Variants in ETV5 observed in about 807,000 individuals in gnomAD.
ETV5 encodes the protein ETS translocation variant 5.
A neutral mutation model predicts 70.0 loss-of-function variants in ETV5; 10 were observed. The observed-to-expected ratio is 0.14, with a 90% CI of 0.09 to 0.24. The LOEUF is 0.24. Ranked by LOEUF, ETV5 falls within the 10% of genes least tolerant of loss-of-function variation. ETV5 has a pLI of 1.00. For missense variants in ETV5, 453 were observed against 651.2 expected (o/e 0.70, Z 3.31); for synonymous variants, 216 against 242.2 (o/e 0.89, Z 1.01).
At position 186,064,443 on chromosome 3, in the gene ETV5, C is replaced by T. The variant is rs758276506; in HGVS notation, c.944G>A (p.Gly315Glu). The T allele has an allele frequency of 6.2e-7, 1 of 1,614,062 alleles. No individual in the cohort carries two copies. The highest frequency in any genetic ancestry group is 1.1e-5 in the South Asian group (1 of 91,078). Residue 315 changes from glycine to glutamate, a missense_variant, in exon 9 of 13, where the codon GGG becomes GAG. Gly to Glu is a moderately conservative substitution (Grantham distance 98). This residue lies in a region of ETV5 where 307 missense variants were observed against 344.9 expected (regional missense o/e 0.89). Coordinates refer to ENST00000306376, the MANE Select transcript of ETV5 (RefSeq NM_004454.3). ...TTCATGGCTGCTGGAGAAATAACCC[C>T]CTCTCATGTAGGATGACTGGCAGTT... ...VPNCQSSYMR[G>E]GYFSSSHEGF...
chr3:186,061,141 C>T (rs1335884097), intron 9 of ETV5, among the ~76,000 whole-genome samples: 1 of 152,196 alleles, frequency 6.6e-6, no homozygotes, highest in African/African-American at 2.4e-5. Context: ...TTATAAAAGC[C>T]ACCCAATGCT....
At chr3:186,062,716 A>T (rs1291396176) in intron 9 of ETV5, among the ~76,000 whole-genome samples, 1 of 152,198 alleles carries the variant, frequency 6.6e-6, no homozygotes, top group Non-Finnish European at 1.5e-5. Flanking sequence ...AACACATAAC[A>T]GTGTCTGAAA....
intron 6 of ETV5, among the ~76,000 whole-genome samples, chr3:186,080,311 T>C (rs1049427532): frequency 1.3e-5 from 2 of 152,082 alleles, no homozygotes; most frequent in Non-Finnish European, 2.9e-5. Context: ...TTAACACTTC[T>C]AGTGATTTTT....
rs747856090 is a variant in ETV5 at position 186,054,221 on chromosome 3, T to C, written c.1210-2090A>G. ...AGCTGGGAATTAGGGCTGCCCCTCT[T>C]CTGGGACTGGGGAGGCAGGCAATAG... On this transcript the variant is annotated intron_variant, in intron 11 of 12. Transcript: ENST00000306376. This position sits in a 1 kb window ranked among gnomAD's most constrained non-coding sequence, Gnocchi z 4.4. Among the ~76,000 whole-genome samples the C allele has an allele frequency of 6.2e-4, 95 of 152,220 alleles. No individual in the cohort carries two copies. Among genetic ancestry groups the C allele is most frequent in the Non-Finnish European group, 1.0e-3 (71 of 68,042 alleles).
In ETV5 at chr3:186,048,361, T is replaced by C; in HGVS notation, c.*278A>G. ...GATATTGCTTTGCATGTATTGTCCA[T>C]GGTAAGGAGACTCCATTTTGATCTC... On this transcript the variant is annotated 3_prime_UTR_variant, in exon 13 of 13. Coordinates refer to ENST00000306376, the MANE Select transcript of ETV5 (RefSeq NM_004454.3). The C allele has an allele frequency of 2.0e-6, 1 of 496,804 alleles. No homozygotes were observed. Among genetic ancestry groups the C allele is most frequent in the Non-Finnish European group, 3.7e-6 (1 of 272,474 alleles). 30.8% of individuals were successfully genotyped at this position (496,804 alleles called of 1,614,324 possible).
intron 5 of ETV5, among the ~76,000 whole-genome samples, chr3:186,091,994 A>G (rs1317722366): frequency 6.6e-6 from 1 of 152,230 alleles, no homozygotes; most frequent in Non-Finnish European, 1.5e-5. Flanking sequence ...GGTTGTATCA[A>G]GTGTCTGGAA....
At chr3:186,056,928 G>T in intron 11 of ETV5, 147 bp downstream of exon 11, 1 of 774,870 alleles carries the variant, frequency 1.3e-6, no homozygotes, top group Non-Finnish European at 2.0e-6. Context: ...TAATAGGAGG[G>T]ATACAGCCAA....
chr3:186,108,593 G>C, intron 1 of ETV5: 1 of 1,231,374 alleles, frequency 8.1e-7, no homozygotes, highest in African/African-American at 1.6e-5. Flanking sequence ...AGTCCCCTCG[G>C]GGCTCTCGAA....
At chr3:186,069,875 C>T (rs142501784) in intron 7 of ETV5, among the ~76,000 whole-genome samples, 2 of 152,298 alleles carry the variant, frequency 1.3e-5, no homozygotes, top group South Asian at 4.1e-4. Context: ...GGCACAATCT[C>T]GGCTCACTGC....
intron 7 of ETV5, among the ~76,000 whole-genome samples, chr3:186,069,455 T>C (rs1156786123): frequency 1.3e-5 from 2 of 151,638 alleles, no homozygotes; most frequent in Admixed American, 6.6e-5. Flanking sequence ...ACCGGCAGCA[T>C]GCCGCAAACC....
chr3:186,085,798 C>T (rs1343339333), intron 5 of ETV5, among the ~76,000 whole-genome samples: 1 of 152,190 alleles, frequency 6.6e-6, no homozygotes, highest in Non-Finnish European at 1.5e-5. Context: ...GCGTGAGCCA[C>T]CGTACCCGGC....
At chr3:186,089,830 C>A (rs1464490251) in intron 5 of ETV5, among the ~76,000 whole-genome samples, 1 of 152,116 alleles carries the variant, frequency 6.6e-6, no homozygotes, top group Non-Finnish European at 1.5e-5. Context: ...TAGATCAAAA[C>A]CATTATCAAC....
Position 186,065,843 on chromosome 3 carries a change from G to C in ETV5, c.880C>G (p.Gln294Glu), listed in dbSNP as rs201447934. 1.9e-6 allele frequency: 3 copies of C among 1,614,130 alleles called. No individual in the cohort carries two copies. Among genetic ancestry groups the C allele is most frequent in the East Asian group, 2.2e-5 (1 of 44,878 alleles). The change falls in exon 8 of 13, where the codon CAG (glutamine) becomes GAG (glutamate). Residue 294 changes from glutamine to glutamate, a missense_variant. Around this residue, in one of 4 missense-constraint regions of ETV5, gnomAD observed 307 missense variants for 344.9 expected, o/e 0.89. Transcript: ENST00000306376. ...HGFQSPMGIK[Q>E]EPRDYCVDSE... is the part of the protein sequence containing the mutation. ...TCGACGCAGTAATCCCGAGGCTCCT[G>C]CTTGATTCCCATTGGTGACTGGAAC...
chr3:186,084,745 G>C (rs1714017714), intron 5 of ETV5, among the ~76,000 whole-genome samples: 1 of 152,208 alleles, frequency 6.6e-6, no homozygotes, highest in African/African-American at 2.4e-5. Context: ...GAAGAGGCAA[G>C]GGCCTCCGCA....
chr3:186,105,557 G>T lies in ETV5; in HGVS notation c.134-61C>A. ...TTTCTTTCGCTAGGGAGAAGACAGG[G>T]AAGAATCTACACGCTACTGTCACTG... On this transcript the variant is annotated intron_variant, in intron 3 of 12. Coordinates refer to ENST00000306376, the MANE Select transcript of ETV5 (RefSeq NM_004454.3). The surrounding 1 kb of genome is among the most constrained non-coding windows in gnomAD (Gnocchi z 4.5). The T allele has an allele frequency of 6.2e-7, 1 of 1,611,628 alleles. No homozygotes were observed. The highest frequency in any genetic ancestry group is 8.5e-7 in the Non-Finnish European group (1 of 1,177,870).
In ETV5 at chr3:186,097,379, C is replaced by CGTGGCA. The variant is rs1222865152; in HGVS notation, c.232+7925_232+7926insTGCCAC. Among the ~76,000 whole-genome samples, 67 of 152,288 alleles carry CGTGGCA rather than the reference C, an allele frequency of 4.4e-4. 1 individual carries two copies. Among genetic ancestry groups the CGTGGCA allele is most frequent in the Middle Eastern group, 6.8e-3 (2 of 294 alleles). On this transcript the variant is annotated intron_variant, in intron 5 of 12. Coordinates refer to ENST00000306376, the MANE Select transcript of ETV5 (RefSeq NM_004454.3). ...AATTGTAAGCCTAAGCAAGAAGTGT[C>CGTGGCA]TGTGTCGTGGCAGGTAAACACCTGG...
At position 186,080,062 on chromosome 3, in the gene ETV5, G is replaced by C. The variant is rs1713894878; in HGVS notation, c.405C>G (p.Thr135=). The C allele has an allele frequency of 6.6e-7, 1 of 1,520,264 alleles. No individual in the cohort carries two copies. The highest frequency in any genetic ancestry group is 8.7e-7 in the Non-Finnish European group (1 of 1,143,306). 94.2% of individuals were successfully genotyped at this position (1,520,264 alleles called of 1,614,324 possible). ...TGGGTGAGAGGGGGGTTGTAGGAGG[G>C]GTTAATGGCTTGAACCCAGAGGGAG... The part of the protein sequence containing the change: ...RKPPSGFKPL[T]PPTTPLSPTH... The change falls in exon 7 of 13, where the codon ACC becomes ACG. Residue 135 remains threonine, a synonymous_variant. Transcript: ENST00000306376.
Position 186,080,027 on chromosome 3 carries a change from T to A in ETV5, c.440A>T (p.Asn147Ile). The change falls in exon 7 of 13, where the codon AAT (asparagine) becomes ATT (isoleucine). Residue 147 changes from asparagine (N) to isoleucine (I), a missense_variant. By Grantham distance (149) the Asn-to-Ile change is moderately radical. Transcript: ENST00000306376. ...PTTPLSPTHQ[N>I]PLFPPPQATL... ...TGCCTGAGGTGGGGGAAATAGGGGA[T>A]TCTGATGGGTGGGTGAGAGGGGGGT... 6.5e-7 allele frequency: 1 copy of A among 1,530,410 alleles called. No individual in the cohort carries two copies. Among genetic ancestry groups the A allele is most frequent in the Non-Finnish European group, 8.7e-7 (1 of 1,148,106 alleles). The allele number at this position is 1,530,410 out of a possible 1,614,324, so 94.8% of individuals were successfully genotyped here.
chr3:186,102,222 C>T (rs917120609), intron 5 of ETV5, among the ~76,000 whole-genome samples: 22 of 151,822 alleles, frequency 1.4e-4, no homozygotes, highest in African/African-American at 4.3e-4. Context: ...AAAATATTAC[C>T]TACATTTCTT....
Sources: gnomAD v4.1 joint callset for allele counts (sites outside exome capture counted in the v4.1 genomes callset) on GRCh38, gnomAD v4.1.1 for gene constraint, gnomAD v4.1.1 regional missense constraint, Gnocchi (gnomAD v3.1) non-coding constraint, MANE v1.5 for transcripts, NCBI Gene and HGNC (gene_info 2026-07-23, HGNC 2026-07-21) for gene names.